The following TMEM154 variants were observed in gnomAD, a reference collection of about 807,000 sequenced individuals.
The protein encoded by TMEM154 is transmembrane protein 154.
TMEM154 carries 27 observed loss-of-function variants against 24.5 expected under a neutral mutation model. The observed-to-expected ratio is 1.10, with a 90% CI of 0.81 to 1.52. The LOEUF (loss-of-function observed/expected upper bound fraction) is 1.52, where lower values mean the gene tolerates loss of function less well. TMEM154 is among the 40% of genes most tolerant of loss of function. The pLI, the probability that TMEM154 is intolerant of heterozygous loss-of-function variation, is 0.00. For missense variants in TMEM154, 228 were observed against 213.4 expected, an observed-to-expected ratio of 1.07 and a Z score of -0.43; for synonymous variants, 67 against 76.8, an observed-to-expected ratio of 0.87 and a Z score of 0.67.
At chr4:152,657,575 G>A (rs111822695) in intron 1 of TMEM154, among the ~76,000 whole-genome samples, 9 of 152,224 alleles carry the variant, frequency 5.9e-5, no homozygotes, top group African/African-American at 1.2e-4. Context: ...CCCAAGTTTC[G>A]CAAGAGATTT....
chr4:152,629,467 A>T (rs1441313249), intron 6 of TMEM154, among the ~76,000 whole-genome samples: 1 of 152,188 alleles, frequency 6.6e-6, no homozygotes, highest in Non-Finnish European at 1.5e-5. Context: ...TTTTGCTTCT[A>T]ACTTGGCTGT....
intron 1 of TMEM154, among the ~76,000 whole-genome samples, chr4:152,661,035 G>A (rs778150838): frequency 1.1e-4 from 17 of 152,266 alleles, no homozygotes; most frequent in South Asian, 2.1e-4. Context: ...CTAGACAATC[G>A]GGAATAAAAG....
chr4:152,646,783 G>C (rs1728250178), intron 3 of TMEM154: 1 of 595,506 alleles, frequency 1.7e-6, no homozygotes, highest in African/African-American at 1.9e-5. Flanking sequence ...GGGAGGGCAG[G>C]AGCTACAGGA....
chr4:152,672,257 GA>G (rs940955522), intron 1 of TMEM154, among the ~76,000 whole-genome samples: 17 of 150,102 alleles, frequency 1.1e-4, no homozygotes, highest in African/African-American at 3.7e-4. Context: ...AAACCCTTAA[GA>G]AAAAAAAAGG....
chr4:152,628,590 AAAC>A (rs138319870), intron 6 of TMEM154, 29 bp from the exon 7 acceptor site: 35,681 of 781,086 alleles, frequency 0.046, 12,220 homozygotes, highest in African/African-American at 0.12. Flanking sequence ...AAAAAAAAAA[AAAC>A]AAAAAAAACA....
chr4:152,678,539 G>A (rs1327055277), intron 1 of TMEM154, among the ~76,000 whole-genome samples: 80 of 146,402 alleles, frequency 5.5e-4, no homozygotes, highest in African/African-American at 2.1e-3. Context: ...GGTGGGGGGA[G>A]GGGGGCAGTG....
In TMEM154 at chr4:152,628,274, A is replaced by C; in HGVS notation, c.*272T>G. ...AGAGGAGGCAACACATGTTGATCAG[A>C]AGTGAGCACATCACCCGCCTCCTTC... On this transcript the variant is annotated 3_prime_UTR_variant, in exon 7 of 7. Transcript: ENST00000304385. The C allele has an allele frequency of 1.8e-6, 1 of 568,224 alleles. No homozygotes were observed. The allele number at this position is 568,224 out of a possible 1,614,324, so 35.2% of individuals were successfully genotyped here.
rs538584011 is a variant in TMEM154 at position 152,626,708 on chromosome 4, C to A, written c.*1838G>T. On this transcript the variant is annotated 3_prime_UTR_variant, in exon 7 of 7. Coordinates refer to ENST00000304385, the MANE Select transcript of TMEM154 (RefSeq NM_152680.3). ...AGTTCATTATTTGATAGGGTTGGAT[C>A]AAATGTAAAGGCCCAGGTGTTCAAA... The A allele has an allele frequency of 6.6e-6, 1 of 152,228 alleles. No homozygotes were observed. The highest frequency in any genetic ancestry group is 2.4e-5 in the African/African-American group (1 of 41,534). 9.4% of individuals were successfully genotyped at this position (152,228 alleles called of 1,614,324 possible).
intron 1 of TMEM154, among the ~76,000 whole-genome samples, chr4:152,668,192 A>G (rs909194578): frequency 1.4e-4 from 21 of 152,184 alleles, no homozygotes; most frequent in African/African-American, 4.6e-4. Context: ...TGGCAGTTTT[A>G]AAGAATGCGT....
rs574659216 is a variant in TMEM154 at position 152,640,867 on chromosome 4, G to A, written c.536+61C>T. On this transcript the variant is annotated intron_variant, in intron 6 of 6. Coordinates refer to ENST00000304385, the MANE Select transcript of TMEM154 (RefSeq NM_152680.3). ...AGGTAAGCAAAAAGTGTTCCACCCT[G>A]GTTCCCAATCCCCCCGCCCCCCGCC... is the stretch of plus-strand genomic sequence containing the variant. 1.4e-5 allele frequency: 20 copies of A among 1,393,302 alleles called. No homozygotes were observed. In the African/African-American group the frequency reaches 3.0e-4, roughly 21 times the overall value. 86.3% of individuals were successfully genotyped at this position (1,393,302 alleles called of 1,614,324 possible). A position where few individuals can be genotyped will look rare whatever the true frequency, so the allele number is the denominator to read the frequency against.
Position 152,625,241 on chromosome 4 carries a change from G to A in TMEM154, c.*3305C>T, listed in dbSNP as rs1253327418. The A allele has an allele frequency of 6.6e-6, 1 of 152,334 alleles. No homozygotes were observed. Among genetic ancestry groups the A allele is most frequent in the Non-Finnish European group, 1.5e-5 (1 of 68,086 alleles). 9.4% of individuals were successfully genotyped at this position (152,334 alleles called of 1,614,324 possible). Reference sequence around the variant, plus strand: ...GGCTGTCAATATCAAGGTGGATCCAGGCTGTTGGAACTGGTGGATCCAGGG... The same window carrying A: ...GGCTGTCAATATCAAGGTGGATCCAAGCTGTTGGAACTGGTGGATCCAGGG... On this transcript the variant is annotated 3_prime_UTR_variant, in exon 7 of 7. Coordinates refer to ENST00000304385, the MANE Select transcript of TMEM154 (RefSeq NM_152680.3).
chr4:152,633,840 G>A (rs1483345843), intron 6 of TMEM154, among the ~76,000 whole-genome samples: 1 of 151,894 alleles, frequency 6.6e-6, no homozygotes, highest in East Asian at 1.9e-4. Context: ...TGGGCATGGT[G>A]GCTCGTGTCA....
At chr4:152,673,945 C>T (rs1728903016) in intron 1 of TMEM154, among the ~76,000 whole-genome samples, 1 of 151,664 alleles carries the variant, frequency 6.6e-6, no homozygotes, top group Admixed American at 6.6e-5. Context: ...ACATCTTCTG[C>T]TTGTGTAATA....
At chr4:152,645,604 G>C (rs1351336193) in intron 3 of TMEM154, among the ~76,000 whole-genome samples, 1 of 152,128 alleles carries the variant, frequency 6.6e-6, no homozygotes, top group East Asian at 1.9e-4. Flanking sequence ...ACTTTGTAGG[G>C]GCCCACCAAA....
chr4:152,671,364 C>T (rs1307242281), intron 1 of TMEM154, among the ~76,000 whole-genome samples: 1 of 151,990 alleles, frequency 6.6e-6, no homozygotes, highest in African/African-American at 2.4e-5. Context: ...GGAAATGATT[C>T]CATTTTTATT....
At chr4:152,643,230 A>C in intron 4 of TMEM154, 57 bp from the exon 5 acceptor site, 1 of 1,279,548 alleles carries the variant, frequency 7.8e-7, no homozygotes. Flanking sequence ...GCCTAATTTC[A>C]TTTGGAAAGA....
At chr4:152,659,431 TA>T (rs1307679692) in intron 1 of TMEM154, among the ~76,000 whole-genome samples, 1 of 152,140 alleles carries the variant, frequency 6.6e-6, no homozygotes, top group East Asian at 1.9e-4. Context: ...TTAGACAGTA[TA>T]AATTATAATG....
At chr4:152,647,653 T>C (rs567113947) in intron 3 of TMEM154, among the ~76,000 whole-genome samples, 9 of 152,220 alleles carry the variant, frequency 5.9e-5, no homozygotes, top group Non-Finnish European at 1.0e-4. Flanking sequence ...ATAAACATTC[T>C]AATGTTCTTT....
At chr4:152,658,854 A>G (rs927012937) in intron 1 of TMEM154, among the ~76,000 whole-genome samples, 2 of 151,926 alleles carry the variant, frequency 1.3e-5, no homozygotes, top group African/African-American at 4.8e-5. Context: ...AGGAAAAAGC[A>G]TTCTTGCCTC....
Sources: allele counts gnomAD v4.1 joint callset (sites outside exome capture counted in the v4.1 genomes callset), GRCh38; gene constraint gnomAD v4.1.1; transcripts MANE v1.5; gene names NCBI Gene and HGNC (gene_info 2026-07-23, HGNC 2026-07-21).